MAGI2: variants seen among roughly 807,000 people sequenced by gnomAD.
MAGI2 encodes the protein membrane associated guanylate kinase, WW and PDZ domain containing 2, also known as membrane-associated guanylate kinase, WW and PDZ domain-containing protein 2.
In MAGI2, 35 loss-of-function variants were observed where a neutral mutation model predicts 133.3. That is an observed-to-expected ratio of 0.26 (90% CI 0.20 to 0.35). The LOEUF is 0.35. Among genes scored for constraint, MAGI2 ranks in the 10% least tolerant of loss-of-function variants. MAGI2 has a pLI of 1.00. For missense variants in MAGI2, 1,636 were observed against 1,863.4 expected (o/e 0.88, Z 2.25); for synonymous variants, 729 against 710.6 (o/e 1.03, Z -0.41).
intron 1 of MAGI2, among the ~76,000 whole-genome samples, chr7:79,164,578 G>T (rs931233473): frequency 7.9e-5 from 12 of 151,910 alleles, no homozygotes; most frequent in African/African-American, 2.9e-4. Flanking sequence ...GACTTCAATA[G>T]AACCTTGGTC....
intron 13 of MAGI2, among the ~76,000 whole-genome samples, chr7:78,182,562 C>T (rs570505622): frequency 6.6e-6 from 1 of 152,278 alleles, no homozygotes; most frequent in East Asian, 1.9e-4. Flanking sequence ...AAAGTAGTCT[C>T]TAGGGGAGCC....
chr7:78,565,425 A>T (rs1186211826), intron 3 of MAGI2, among the ~76,000 whole-genome samples: 1 of 151,586 alleles, frequency 6.6e-6, no homozygotes, highest in Non-Finnish European at 1.5e-5. Context: ...TGATTACACT[A>T]TTGCACTCAT....
chr7:78,389,075 C>A (rs1411634584), intron 6 of MAGI2, among the ~76,000 whole-genome samples: 1 of 151,994 alleles, frequency 6.6e-6, no homozygotes, highest in Non-Finnish European at 1.5e-5. Flanking sequence ...CAGTGCTAGA[C>A]AAAGGATATT....
chr7:79,011,439 G>C (rs900841329), intron 1 of MAGI2, among the ~76,000 whole-genome samples: 16 of 152,126 alleles, frequency 1.1e-4, no homozygotes, highest in African/African-American at 3.9e-4. Context: ...GGTCTATAAT[G>C]TTTGTGCCAA....
At chr7:79,171,534 T>C (rs894060749) in intron 1 of MAGI2, among the ~76,000 whole-genome samples, 1 of 151,434 alleles carries the variant, frequency 6.6e-6, no homozygotes, top group Non-Finnish European at 1.5e-5. Context: ...TTGGAAATTA[T>C]ATCCCCTCAA....
intron 2 of MAGI2, among the ~76,000 whole-genome samples, chr7:79,004,026 T>C (rs1012289564): frequency 9.2e-5 from 14 of 152,280 alleles, no homozygotes; most frequent in South Asian, 2.1e-4. Flanking sequence ...GTGCAGCCAC[T>C]AGGGAAAACA....
At chr7:79,426,698 T>G (rs1585939421) in intron 1 of MAGI2, among the ~76,000 whole-genome samples, 2 of 152,166 alleles carry the variant, frequency 1.3e-5, no homozygotes, top group East Asian at 3.9e-4. Context: ...AGATGAACTT[T>G]TTACACTTTA....
At chr7:78,047,919 C>A (rs963249262) in intron 21 of MAGI2, among the ~76,000 whole-genome samples, 1 of 152,226 alleles carries the variant, frequency 6.6e-6, no homozygotes, top group Non-Finnish European at 1.5e-5. Flanking sequence ...GCTCAGATGC[C>A]GCCATATTCT....
chr7:78,603,323 T>C (rs1805413479), intron 3 of MAGI2, among the ~76,000 whole-genome samples: 1 of 152,180 alleles, frequency 6.6e-6, no homozygotes, highest in Non-Finnish European at 1.5e-5. Context: ...CAGGTTCCTC[T>C]TAAGTTAACA....
rs117988588 is a variant in MAGI2, at chr7:78,900,903, G to A, written c.418+106187C>T. Among the ~76,000 whole-genome samples, 445 of 152,216 alleles carry A rather than the reference G, an allele frequency of 2.9e-3. 11 individuals are homozygous for A. In the East Asian group the frequency reaches 0.061, roughly 21 times the overall value. The stretch of plus-strand genomic sequence containing the variant: ...GGTAGTCAAGATGAGTTGCCTACAA[G>A]TCCTGTGAGTCCCAGAAAATTCTAG... On this transcript the variant is annotated intron_variant, in intron 2 of 21. Coordinates refer to ENST00000354212, the MANE Select transcript of MAGI2 (RefSeq NM_012301.4).
At chr7:78,487,516 C>T (rs2215935) in intron 6 of MAGI2, 40,824 of 151,892 alleles carry the variant, frequency 0.27, 6,707 homozygotes, top group East Asian at 0.55. Context: ...GCACAGTGAG[C>T]GCAAAGAAAC....
intron 1 of MAGI2, among the ~76,000 whole-genome samples, chr7:79,406,618 G>A (rs1323926459): frequency 6.6e-6 from 1 of 152,072 alleles, no homozygotes; most frequent in Non-Finnish European, 1.5e-5. Flanking sequence ...ATGAGTTCCT[G>A]TAAAAAGGCA....
chr7:79,079,123 T>C (rs1241499443), intron 1 of MAGI2, among the ~76,000 whole-genome samples: 1 of 152,128 alleles, frequency 6.6e-6, no homozygotes, highest in Non-Finnish European at 1.5e-5. Context: ...TTTCTTCCTC[T>C]CTCACCCCCT....
intron 2 of MAGI2, among the ~76,000 whole-genome samples, chr7:78,845,911 A>T (rs1792562745): frequency 6.6e-6 from 1 of 151,928 alleles, no homozygotes; most frequent in Admixed American, 6.6e-5. Flanking sequence ...CAACGTGAAA[A>T]AGGAGATGTG....
intron 1 of MAGI2, among the ~76,000 whole-genome samples, chr7:79,025,396 G>T (rs1427020719): frequency 1.3e-5 from 2 of 152,068 alleles, no homozygotes; most frequent in East Asian, 1.9e-4. Context: ...CTACTTATTG[G>T]GTGCTATGCT....
intron 2 of MAGI2, among the ~76,000 whole-genome samples, chr7:78,854,551 G>T (rs1165040705): frequency 6.6e-6 from 1 of 152,040 alleles, no homozygotes. Context: ...AGTGTTGAAT[G>T]TAACAACAGC....
rs369893416 is a variant in MAGI2 at position 78,256,099 on chromosome 7, T to G, written c.1891A>C (p.Ile631Leu). The G allele has an allele frequency of 6.2e-7, 1 of 1,613,682 alleles. No individual in the cohort carries two copies. The highest frequency in any genetic ancestry group is 8.5e-7 in the Non-Finnish European group (1 of 1,179,924). ...CCAGGGCATCCCTGAATGTCAAGTA[T>G]TTGTTTCACCCGCTGTCCTGTAGGA... Reference protein sequence around the residue: ...DSPTGQRVKQILDIQGCPGLC... With the variant: ...DSPTGQRVKQLLDIQGCPGLC... The change falls in exon 10 of 22, where the codon ATA (isoleucine) becomes CTA (leucine). Residue 631 changes from isoleucine to leucine, a missense_variant. This residue lies in a region of MAGI2 where 920 missense variants were observed against 1,093.5 expected (regional missense o/e 0.84). Coordinates refer to ENST00000354212, the MANE Select transcript of MAGI2 (RefSeq NM_012301.4).
chr7:78,920,140 G>A (rs2151632444), intron 2 of MAGI2, among the ~76,000 whole-genome samples: 1 of 152,178 alleles, frequency 6.6e-6, no homozygotes, highest in East Asian at 1.9e-4. Flanking sequence ...ATGACTCCAT[G>A]AATTTCTACA....
intron 3 of MAGI2, among the ~76,000 whole-genome samples, chr7:78,580,728 T>C (rs1027852253): frequency 2.6e-5 from 4 of 152,186 alleles, no homozygotes; most frequent in Non-Finnish European, 4.4e-5. Flanking sequence ...CCCATTCAGA[T>C]CAGAAAGACT....
Sources: allele counts gnomAD v4.1 joint callset (sites outside exome capture counted in the v4.1 genomes callset), GRCh38; gene constraint gnomAD v4.1.1; regional missense constraint gnomAD v4.1.1; transcripts MANE v1.5; gene names NCBI Gene and HGNC (gene_info 2026-07-23, HGNC 2026-07-21).